POLR1A: variants seen among roughly 807,000 people sequenced by gnomAD.
The protein encoded by POLR1A is DNA-directed RNA polymerase I subunit RPA1.
A neutral mutation model predicts 205.3 loss-of-function variants in POLR1A; 84 were observed. The ratio of observed to expected loss-of-function variants is 0.41; its 90% CI spans 0.34 to 0.49. POLR1A has a LOEUF of 0.49. Among genes scored for constraint, POLR1A ranks in the 20% least tolerant of loss-of-function variants. The probability of loss-of-function intolerance (pLI) is 0.22; values close to 1 mark genes in which losing one functional copy is unlikely to be tolerated. For missense variants in POLR1A, 1,645 were observed against 2,204.5 expected (o/e 0.75, Z 5.08); for synonymous variants, 799 against 863.7 (o/e 0.93, Z 1.31).
chr2:86,054,093 A>G, intron 15 of POLR1A, 47 bp downstream of exon 15: 2 of 1,595,916 alleles, frequency 1.3e-6, no homozygotes, highest in Non-Finnish European at 1.7e-6. Context: ...CAATCTGTCT[A>G]ACCCCGGCAC....
chr2:86,071,068 T>C (rs1045088724), intron 12 of POLR1A, among the ~76,000 whole-genome samples: 6 of 151,622 alleles, frequency 4.0e-5, no homozygotes, highest in African/African-American at 1.5e-4. Context: ...CTATGGAATA[T>C]TATGCAGTGA....
chr2:86,105,694 C>A lies in POLR1A; in HGVS notation c.77+6G>T. ...GGCTGGGCACGCTACCCGACCAACT[C>A]CTTACTTGAGCTCTTCAGCCGAATA... On this transcript the variant is annotated splice_donor_region_variant and intron_variant, in intron 1 of 33. Transcript: ENST00000263857. The A allele has an allele frequency of 1.2e-6, 2 of 1,607,614 alleles. No individual in the cohort carries two copies. The highest frequency in any genetic ancestry group is 1.7e-6 in the Non-Finnish European group (2 of 1,174,042).
chr2:86,028,729 G>A lies in POLR1A; in HGVS notation c.4780-18C>T. 2 of 1,592,708 alleles carry A rather than the reference G, an allele frequency of 1.3e-6. No individual in the cohort carries two copies. The highest frequency in any genetic ancestry group is 1.7e-6 in the Non-Finnish European group (2 of 1,160,660). On this transcript the variant is annotated intron_variant, in intron 31 of 33. Transcript: ENST00000263857. The surrounding 1 kb of genome is among the most constrained non-coding windows in gnomAD (Gnocchi z 4.5). ...TCCAGGACCTGGAGAGAGGAAGGAAGGGATTTATTTAGAGGGCCTGGCCTT... is the reference window on the plus strand; with the variant it reads ...TCCAGGACCTGGAGAGAGGAAGGAAAGGATTTATTTAGAGGGCCTGGCCTT...
Position 86,054,148 on chromosome 2 carries a change from C to T in POLR1A, c.2200G>A (p.Glu734Lys), listed in dbSNP as rs966695641. ...VPGFNPDSMCESQVIIREGEL... is the reference protein window; with the variant it reads ...VPGFNPDSMCKSQVIIREGEL... The stretch of plus-strand genomic sequence containing the variant: ...CAGCTGGACAGCCATACCTGGGACT[C>T]GCACATCGAGTCAGGGTTAAAGCCA... Residue 734 changes from glutamate to lysine, a missense_variant, in exon 15 of 34, where the codon GAG (glutamate) becomes AAG (lysine). Glu to Lys is a moderately conservative substitution (Grantham distance 56, BLOSUM62 1). Coordinates refer to ENST00000263857, the MANE Select transcript of POLR1A (RefSeq NM_015425.6). The T allele has an allele frequency of 1.2e-6, 2 of 1,613,822 alleles. No individual in the cohort carries two copies. The highest frequency in any genetic ancestry group is 1.3e-5 in the African/African-American group (1 of 74,924).
In POLR1A at chr2:86,043,179, T is replaced by C. The variant is rs1465800180; in HGVS notation, c.3152A>G (p.Gln1051Arg). 3 of 1,612,378 alleles carry C rather than the reference T, an allele frequency of 1.9e-6. No homozygotes were observed. The African/African-American group carries it at 4.0e-5, about 22-fold the overall frequency. ...TCTGGATAAAACTTCATGGAGATGCTGTGATTTCATTATCACCTAAACAAA... is the reference window on the plus strand; with the variant it reads ...TCTGGATAAAACTTCATGGAGATGCCGTGATTTCATTATCACCTAAACAAA... ...ASNYEVIMKS[Q>R]HLHEVLSRAD... Residue 1051 changes from glutamine to arginine, a missense_variant, in exon 23 of 34, where the codon CAG becomes CGG. By Grantham distance (43) the Gln-to-Arg change is conservative. Transcript: ENST00000263857.
At chr2:86,034,992 T>G (rs1672468177) in intron 27 of POLR1A, among the ~76,000 whole-genome samples, 1 of 152,096 alleles carries the variant, frequency 6.6e-6, no homozygotes, top group Non-Finnish European at 1.5e-5. Flanking sequence ...TGCCTCAGCC[T>G]TCTGAGTAGC....
intron 30 of POLR1A, 78 bp from the exon 31 acceptor site, chr2:86,030,474 A>G (rs1672365987): frequency 9.4e-7 from 1 of 1,067,846 alleles, no homozygotes; most frequent in South Asian, 1.3e-5. Context: ...GACTCCTTCA[A>G]AACCTTTTCA....
chr2:86,040,296 C>G (rs1672578598), intron 25 of POLR1A, 96 bp downstream of exon 25: 1 of 970,050 alleles, frequency 1.0e-6, no homozygotes. Flanking sequence ...CACACTCTCT[C>G]ATTCACACAC....
At position 86,030,790 on chromosome 2, in the gene POLR1A, G is replaced by A. The variant is rs140571680; in HGVS notation, c.4579-394C>T. On this transcript the variant is annotated intron_variant, in intron 30 of 33. Transcript: ENST00000263857. ...TGAACTGGATCAAAGGAAAGACAAAGCGTAAGTGTGTGCACATGTCTAGGC... is the reference window on the plus strand; with the variant it reads ...TGAACTGGATCAAAGGAAAGACAAAACGTAAGTGTGTGCACATGTCTAGGC... 3.2e-4 allele frequency among the ~76,000 whole-genome samples: 48 copies of A among 152,304 alleles called. 2 individuals are homozygous for A. The East Asian group carries it at 7.0e-3, about 22-fold the overall frequency.
chr2:86,099,010 A>G (rs11127015), intron 2 of POLR1A, among the ~76,000 whole-genome samples: 134,135 of 152,110 alleles, frequency 0.88, 59,436 homozygotes, highest in East Asian at 0.98. Context: ...CTGAGGTAGA[A>G]AAATATCTTT....
chr2:86,042,844 G>T, intron 23 of POLR1A, 130 bp downstream of exon 23: 1 of 721,904 alleles, frequency 1.4e-6, no homozygotes, highest in Non-Finnish European at 2.4e-6. Context: ...GAGCCATTCT[G>T]TTCTGACTGA....
At chr2:86,033,023 T>G (rs895047724) in intron 28 of POLR1A, among the ~76,000 whole-genome samples, 6 of 152,248 alleles carry the variant, frequency 3.9e-5, no homozygotes, top group African/African-American at 1.4e-4. Context: ...CAGAGCTGGT[T>G]GGGGGTAGTC....
intron 19 of POLR1A, among the ~76,000 whole-genome samples, chr2:86,046,496 C>A (rs1672712342): frequency 1.3e-5 from 2 of 151,998 alleles, no homozygotes; most frequent in African/African-American, 4.8e-5. Context: ...CTCAAGGTCA[C>A]CAAGGTTTAA....
rs537827052 is a variant in POLR1A, at chr2:86,034,350, C to T, written c.4035-563G>A. 3.8e-4 allele frequency among the ~76,000 whole-genome samples: 58 copies of T among 152,248 alleles called. 1 individual carries two copies. Among genetic ancestry groups the T allele is most frequent in the Admixed American group, 3.7e-3 (56 of 15,298 alleles). ...GAGAACTCCCTTGGTGTGGGAGCCC[C>T]GGCAATGTGACGAAAGAACGAGGAC... On this transcript the variant is annotated intron_variant, in intron 27 of 33. Coordinates refer to ENST00000263857, the MANE Select transcript of POLR1A (RefSeq NM_015425.6).
chr2:86,027,754 C>A, intron 33 of POLR1A, 131 bp downstream of exon 33: 1 of 1,063,526 alleles, frequency 9.4e-7, no homozygotes. Flanking sequence ...CCCCCTCCAG[C>A]CGCCCCCGCT....
At chr2:86,027,626 G>A in intron 33 of POLR1A, 103 bp from the exon 34 acceptor site, 1 of 1,043,992 alleles carries the variant, frequency 9.6e-7, no homozygotes, top group South Asian at 1.3e-5. Context: ...ACTCAGGTGG[G>A]TCCTGAGTCT....
In POLR1A at chr2:86,031,500, T is replaced by C. The variant is rs1390577402; in HGVS notation, c.4408A>G (p.Thr1470Ala). 1 of 1,614,068 alleles carries C rather than the reference T, an allele frequency of 6.2e-7. No homozygotes were observed. Among genetic ancestry groups the C allele is most frequent in the Non-Finnish European group, 8.5e-7 (1 of 1,180,018 alleles). ...QEQDEEVGLG[T>A]EEDPSLPALL... ...GCGGGAAGGGACGGGTCCTCCTCAG[T>C]GCCTAAGCCCACCTCTTCATCTTGC... Residue 1470 changes from threonine (T) to alanine (A), a missense_variant, in exon 30 of 34, where the codon ACT (threonine) becomes GCT (alanine). Coordinates refer to ENST00000263857, the MANE Select transcript of POLR1A (RefSeq NM_015425.6).
At chr2:86,034,883 A>C (rs148585955) in intron 27 of POLR1A, among the ~76,000 whole-genome samples, 2,671 of 151,326 alleles carry the variant, frequency 0.018, 46 homozygotes, top group East Asian at 0.089. Flanking sequence ...AGTTCCCCCC[A>C]CCGTCCCGAG....
Position 86,101,651 on chromosome 2 carries a change from AAT to A in POLR1A, c.78-1481_78-1480del, listed in dbSNP as rs2104439088. Among the ~76,000 whole-genome samples, 3 of 152,314 alleles carry A rather than the reference AAT, an allele frequency of 2.0e-5. No homozygotes were observed. In the East Asian group the frequency reaches 5.8e-4, roughly 29 times the overall value. On this transcript the variant is annotated intron_variant, in intron 1 of 33. Coordinates refer to ENST00000263857, the MANE Select transcript of POLR1A (RefSeq NM_015425.6). ...ATCTTAATTTTTGAAACTGTAATAA[AAT>A]ATATATAAATTCATCATAACTGTTT...
Sources: gnomAD v4.1 joint callset for allele counts (sites outside exome capture counted in the v4.1 genomes callset) on GRCh38, gnomAD v4.1.1 for gene constraint, Gnocchi (gnomAD v3.1) non-coding constraint, MANE v1.5 for transcripts, NCBI Gene and HGNC (gene_info 2026-07-23, HGNC 2026-07-21) for gene names.